SCMH1: variants seen among roughly 807,000 people sequenced by gnomAD.
SCMH1 encodes polycomb protein SCMH1.
Under a neutral mutation model 70.8 loss-of-function variants are expected in SCMH1, and 37 were observed. That is an observed-to-expected ratio of 0.52 (90% CI 0.40 to 0.69). The LOEUF is 0.69. SCMH1 is among the 30% of genes least tolerant of loss of function. The pLI, the probability that SCMH1 is intolerant of heterozygous loss-of-function variation, is 0.00. For synonymous variants in SCMH1, 292 were observed against 307.4 expected (o/e 0.95, Z 0.52); for missense variants, 607 against 827.3 (o/e 0.73, Z 3.27).
At chr1:41,150,273 T>G (rs1644948985) in intron 5 of SCMH1, among the ~76,000 whole-genome samples, 1 of 151,708 alleles carries the variant, frequency 6.6e-6, no homozygotes, top group Non-Finnish European at 1.5e-5. Context: ...GAGGCCAAGG[T>G]GGGTGGATCA....
chr1:41,204,599 C>G (rs1046639032), intron 1 of SCMH1, among the ~76,000 whole-genome samples: 1 of 152,130 alleles, frequency 6.6e-6, no homozygotes, highest in Non-Finnish European at 1.5e-5. Flanking sequence ...GAATGTTCCA[C>G]CTCAATATTC....
intron 4 of SCMH1, 105 bp from the exon 5 acceptor site, chr1:41,151,789 C>A: frequency 1.5e-6 from 1 of 661,294 alleles, no homozygotes; most frequent in Non-Finnish European, 2.5e-6. Context: ...TGGTTTTGAG[C>A]ATAAAAAATA....
At chr1:41,131,937 C>A (rs1358313818) in intron 6 of SCMH1, among the ~76,000 whole-genome samples, 2 of 152,150 alleles carry the variant, frequency 1.3e-5, no homozygotes, top group Non-Finnish European at 2.9e-5. Flanking sequence ...TTTTCTTTAT[C>A]CAGTCTATTA....
intron 6 of SCMH1, among the ~76,000 whole-genome samples, chr1:41,128,959 T>C (rs1673920319): frequency 6.6e-6 from 1 of 152,138 alleles, no homozygotes; most frequent in African/African-American, 2.4e-5. Context: ...ATTCTTCACT[T>C]GAGATATTAT....
chr1:41,040,707 A>T (rs1646021325), intron 12 of SCMH1, among the ~76,000 whole-genome samples: 3 of 152,180 alleles, frequency 2.0e-5, no homozygotes, highest in South Asian at 2.1e-4. Flanking sequence ...TCTACTAAAA[A>T]TACAAAATTA....
intron 8 of SCMH1, among the ~76,000 whole-genome samples, chr1:41,094,656 G>A (rs531533083): frequency 6.6e-6 from 1 of 152,094 alleles, no homozygotes; most frequent in Non-Finnish European, 1.5e-5. Context: ...TTGGGAGGCT[G>A]AGACTGGTAG....
Position 41,071,408 on chromosome 1 carries a change from G to A in SCMH1, c.979-687C>T, listed in dbSNP as rs1035062575. Among the ~76,000 whole-genome samples, 7 of 152,044 alleles carry A rather than the reference G, an allele frequency of 4.6e-5. No individual in the cohort carries two copies. The South Asian group carries it at 8.3e-4, about 18-fold the overall frequency. On this transcript the variant is annotated intron_variant, in intron 9 of 14. Coordinates refer to ENST00000337495, the Ensembl canonical transcript of SCMH1. Reference sequence around the variant, plus strand: ...TTTTTGAACTGTTGCATTTGTCAACGTATTGTCATGATATGTTTACATACC... The same window carrying A: ...TTTTTGAACTGTTGCATTTGTCAACATATTGTCATGATATGTTTACATACC...
At chr1:41,080,902 G>A (rs1289451849) in intron 8 of SCMH1, among the ~76,000 whole-genome samples, 1 of 152,038 alleles carries the variant, frequency 6.6e-6, no homozygotes, top group Non-Finnish European at 1.5e-5. Context: ...ACATTGTATT[G>A]GAGGTCAATG....
At chr1:41,192,345 A>G (rs949387539) in intron 1 of SCMH1, among the ~76,000 whole-genome samples, 5 of 152,300 alleles carry the variant, frequency 3.3e-5, no homozygotes, top group Middle Eastern at 3.4e-3. Flanking sequence ...CTGCAGACTG[A>G]CAGCCTGGGT....
chr1:41,057,867 C>T (rs12060620), intron 10 of SCMH1, among the ~76,000 whole-genome samples: 1 of 152,008 alleles, frequency 6.6e-6, no homozygotes, highest in Non-Finnish European at 1.5e-5. Flanking sequence ...TGGCTCACAC[C>T]TAGCACTTTG....
At chr1:41,063,863 T>C (rs1653673352) in intron 10 of SCMH1, among the ~76,000 whole-genome samples, 1 of 152,234 alleles carries the variant, frequency 6.6e-6, no homozygotes, top group Admixed American at 6.5e-5. Context: ...CAGGCTTAGA[T>C]AGGTTCATTC....
intron 1 of SCMH1, among the ~76,000 whole-genome samples, chr1:41,222,313 C>T (rs1360370341): frequency 6.6e-6 from 1 of 152,028 alleles, no homozygotes; most frequent in African/African-American, 2.4e-5. Flanking sequence ...TAAAAATAGA[C>T]AATAAAAGTG....
intron 1 of SCMH1, among the ~76,000 whole-genome samples, chr1:41,222,803 C>G (rs372559429): frequency 6.6e-6 from 1 of 152,102 alleles, no homozygotes; most frequent in Non-Finnish European, 1.5e-5. Context: ...ACTGACATTG[C>G]ATAATGGGAC....
chr1:41,108,540 T>TA (rs1352915979), intron 8 of SCMH1, among the ~76,000 whole-genome samples: 1 of 152,180 alleles, frequency 6.6e-6, no homozygotes, highest in East Asian at 1.9e-4. Flanking sequence ...AAGCTAAAAG[T>TA]AAAAAGCTTC....
At chr1:41,161,321 G>C in intron 3 of SCMH1, 43 bp downstream of exon 3, 1 of 1,546,616 alleles carries the variant, frequency 6.5e-7, no homozygotes, top group Non-Finnish European at 8.7e-7. Flanking sequence ...AAAAGATGCC[G>C]AGTAAAATTT....
At chr1:41,108,586 C>T (rs1044065634) in intron 8 of SCMH1, among the ~76,000 whole-genome samples, 6 of 152,092 alleles carry the variant, frequency 3.9e-5, no homozygotes, top group African/African-American at 7.2e-5. Flanking sequence ...ATTAGTTGGA[C>T]GCTTGGTAGT....
At chr1:41,134,177 A>T (rs903576392) in intron 6 of SCMH1, among the ~76,000 whole-genome samples, 3 of 152,226 alleles carry the variant, frequency 2.0e-5, no homozygotes, top group African/African-American at 7.2e-5. Flanking sequence ...AACCAATGAC[A>T]AACACCACAT....
chr1:41,107,523 T>G (rs1211240716), intron 8 of SCMH1, among the ~76,000 whole-genome samples: 1 of 151,400 alleles, frequency 6.6e-6, no homozygotes, highest in Non-Finnish European at 1.5e-5. Flanking sequence ...TAGGATTACA[T>G]TTTTTTTTCT....
At chr1:41,149,701 C>T in intron 5 of SCMH1, among the ~76,000 whole-genome samples, 1 of 152,182 alleles carries the variant, frequency 6.6e-6, no homozygotes, top group East Asian at 1.9e-4. Context: ...TGAAGCAATA[C>T]TCAGGCTAAG....
Sources: allele counts gnomAD v4.1 joint callset (sites outside exome capture counted in the v4.1 genomes callset), GRCh38; gene constraint gnomAD v4.1.1; transcripts MANE v1.5; gene names NCBI Gene and HGNC (gene_info 2026-07-23, HGNC 2026-07-21).